Variants in TMEM123 observed in about 807,000 individuals in gnomAD.
TMEM123 encodes transmembrane protein 123, also known as porimin.
TMEM123 carries 16 observed loss-of-function variants against 19.7 expected under a neutral mutation model. The observed-to-expected ratio is 0.81, with a 90% CI of 0.55 to 1.23. The LOEUF (loss-of-function observed/expected upper bound fraction) is 1.23. Ranked by LOEUF, TMEM123 falls within the 50% of genes most tolerant of loss-of-function variation. The pLI is 0.00. For synonymous variants in TMEM123, 118 were observed against 99.4 expected, an observed-to-expected ratio of 1.19 and a Z score of -1.12; for missense variants, 313 against 257.8, an observed-to-expected ratio of 1.21 and a Z score of -1.47.
chr11:102,421,854 C>A (rs534833398), intron 2 of TMEM123, among the ~76,000 whole-genome samples: 2 of 152,212 alleles, frequency 1.3e-5, no homozygotes, highest in South Asian at 2.1e-4. Context: ...TTCGCATGAT[C>A]TGTAGAACAT....
intron 2 of TMEM123, among the ~76,000 whole-genome samples, chr11:102,409,869 A>G (rs930483196): frequency 2.0e-5 from 3 of 152,004 alleles, no homozygotes; most frequent in African/African-American, 7.2e-5. Context: ...CGTCACAAAC[A>G]AACAAACAAA....
At chr11:102,433,312 G>C (rs1035311622) in intron 2 of TMEM123, among the ~76,000 whole-genome samples, 2 of 152,008 alleles carry the variant, frequency 1.3e-5, no homozygotes, top group Admixed American at 6.6e-5. Context: ...CCCACCTCTT[G>C]CATCAGCACG....
chr11:102,437,975 T>C (rs956552310), intron 2 of TMEM123, among the ~76,000 whole-genome samples: 20 of 152,142 alleles, frequency 1.3e-4, no homozygotes, highest in African/African-American at 4.8e-4. Context: ...GACCAACCAA[T>C]CTACAGCCCT....
chr11:102,410,883 T>C (rs12277747), intron 2 of TMEM123, among the ~76,000 whole-genome samples: 9,952 of 152,268 alleles, frequency 0.065, 362 homozygotes, highest in Non-Finnish European at 0.077. Flanking sequence ...CCTCAGGCAA[T>C]TTCCTTTCTA....
At position 102,402,181 on chromosome 11, in the gene TMEM123, G is replaced by T; in HGVS notation, c.183C>A (p.Asp61Glu). ...STETLQHVPSDHTNETSNSTV... is the reference protein window; with the variant it reads ...STETLQHVPSEHTNETSNSTV... Reference sequence around the variant, plus strand: ...TACTGTTGGAAGTTTCATTTGTATGGTCAGAAGGCACATGTTGGAGAGTCT... The same window carrying T: ...TACTGTTGGAAGTTTCATTTGTATGTTCAGAAGGCACATGTTGGAGAGTCT... The change falls in exon 3 of 5, where the codon GAC (aspartate) becomes GAA (glutamate). Residue 61 changes from aspartate (D) to glutamate (E), a missense_variant. By Grantham distance (45) the Asp-to-Glu change is conservative (BLOSUM62 2). Coordinates refer to ENST00000398136, the MANE Select transcript of TMEM123 (RefSeq NM_052932.3). 1 of 1,614,010 alleles carries T rather than the reference G, an allele frequency of 6.2e-7. No individual in the cohort carries two copies.
intron 2 of TMEM123, among the ~76,000 whole-genome samples, chr11:102,446,228 A>C: frequency 6.6e-6 from 1 of 152,346 alleles, no homozygotes; most frequent in African/African-American, 2.4e-5. Flanking sequence ...ATAAAGTGTA[A>C]ATTCATCCAT....
intron 2 of TMEM123, among the ~76,000 whole-genome samples, chr11:102,438,008 C>T (rs1338650577): frequency 1.3e-5 from 2 of 152,106 alleles, no homozygotes; most frequent in Non-Finnish European, 2.9e-5. Flanking sequence ...TTTTCCACAT[C>T]ACCCTCTTTA....
chr11:102,405,134 C>T (rs577892219), intron 2 of TMEM123, among the ~76,000 whole-genome samples: 4 of 150,312 alleles, frequency 2.7e-5, no homozygotes, highest in East Asian at 4.0e-4. Context: ...TTGCAAGCTC[C>T]GCCTCCCAGG....
rs1019400163 is a variant in TMEM123 at position 102,397,678 on chromosome 11, GAATT to G, written c.*1185_*1188del. ...AAAAATTCCTCTCAAAACTTTCTAA[GAATT>G]TATTCTAAAATATTTTGGTGTTTGT... On this transcript the variant is annotated 3_prime_UTR_variant, in exon 5 of 5. Transcript: ENST00000398136. 6.6e-6 allele frequency: 1 copy of G among 152,050 alleles called. No homozygotes were observed. Among genetic ancestry groups the G allele is most frequent in the African/African-American group, 2.4e-5 (1 of 41,412 alleles). The allele number at this position is 152,050 out of a possible 1,614,324, so 9.4% of individuals were successfully genotyped here.
rs1006227394 is a variant in TMEM123, at chr11:102,396,553, A to C, written c.*2314T>G. 6.6e-6 allele frequency: 1 copy of C among 152,198 alleles called. No individual in the cohort carries two copies. The highest frequency in any genetic ancestry group is 1.5e-5 in the Non-Finnish European group (1 of 68,030). The allele number at this position is 152,198 out of a possible 1,614,324, so 9.4% of individuals were successfully genotyped here. ...TAAAATTGGCTTCTGCCTAGTACTT[A>C]TACATCTGGATTGTTTGTTTTGATC... On this transcript the variant is annotated 3_prime_UTR_variant, in exon 5 of 5. Transcript: ENST00000398136.
intron 2 of TMEM123, among the ~76,000 whole-genome samples, chr11:102,440,825 G>A (rs1436069080): frequency 6.6e-6 from 1 of 152,034 alleles, no homozygotes; most frequent in Non-Finnish European, 1.5e-5. Flanking sequence ...ACACACATAG[G>A]CTCAAAATAA....
intron 2 of TMEM123, among the ~76,000 whole-genome samples, chr11:102,420,743 T>G (rs1032836104): frequency 6.6e-6 from 1 of 152,182 alleles, no homozygotes; most frequent in Non-Finnish European, 1.5e-5. Context: ...ACTGTTAACC[T>G]TTAACACATT....
intron 2 of TMEM123, among the ~76,000 whole-genome samples, chr11:102,423,723 TTCAG>T (rs1215270285): frequency 2.0e-5 from 3 of 152,212 alleles, no homozygotes; most frequent in African/African-American, 7.2e-5. Flanking sequence ...TAATTCATAG[TTCAG>T]TCAAAAAAGC....
intron 1 of TMEM123, 53 bp downstream of exon 1, chr11:102,452,471 C>T: frequency 7.3e-7 from 1 of 1,363,922 alleles, no homozygotes; most frequent in Non-Finnish European, 9.6e-7. Context: ...ACCCAAGCCT[C>T]GGCAGCGCGC....
Position 102,401,692 on chromosome 11 carries a change from A to C in TMEM123, c.449T>G (p.Ile150Ser). ...SVTSAASSVT[I>S]TTTMHSEAKK... ...TGCTTCAGAATGCATAGTTGTTGTG[A>C]CTAGAACAAAAGAAAACAAAAAAGG... Residue 150 changes from isoleucine to serine, a missense_variant and splice_region_variant, in exon 4 of 5, where the codon ATC becomes AGC. Ile to Ser is a moderately radical substitution (Grantham distance 142, BLOSUM62 -2). Transcript: ENST00000398136. 1 of 1,576,992 alleles carries C rather than the reference A, an allele frequency of 6.3e-7. No individual in the cohort carries two copies. The highest frequency in any genetic ancestry group is 1.2e-5 in the South Asian group (1 of 84,156).
At chr11:102,411,192 C>T (rs1404000886) in intron 2 of TMEM123, among the ~76,000 whole-genome samples, 1 of 152,114 alleles carries the variant, frequency 6.6e-6, no homozygotes, top group Non-Finnish European at 1.5e-5. Flanking sequence ...GAAGTTTCAG[C>T]CCCATCCATC....
intron 2 of TMEM123, among the ~76,000 whole-genome samples, chr11:102,446,492 T>C (rs764765583): frequency 1.3e-5 from 2 of 152,190 alleles, no homozygotes; most frequent in Non-Finnish European, 2.9e-5. Flanking sequence ...TAATAATGTA[T>C]AGGATTGGAG....
intron 2 of TMEM123, among the ~76,000 whole-genome samples, chr11:102,409,677 C>G (rs1304487031): frequency 2.0e-5 from 3 of 152,052 alleles, no homozygotes; most frequent in African/African-American, 7.2e-5. Flanking sequence ...AATTCGAGAC[C>G]AGCCTGGCCA....
intron 2 of TMEM123, among the ~76,000 whole-genome samples, chr11:102,409,770 CAGG>C (rs1228765560): frequency 2.0e-5 from 3 of 151,884 alleles, no homozygotes; most frequent in Admixed American, 2.0e-4. Context: ...GAGGCTGAGG[CAGG>C]AGAATTGCTT....
Sources: allele counts gnomAD v4.1 joint callset (sites outside exome capture counted in the v4.1 genomes callset), GRCh38; gene constraint gnomAD v4.1.1; transcripts MANE v1.5; gene names NCBI Gene and HGNC (gene_info 2026-07-23, HGNC 2026-07-21).